The following TTC7B variants were observed in gnomAD, a reference collection of about 807,000 sequenced individuals.
TTC7B encodes the protein tetratricopeptide repeat domain 7B, also known as tetratricopeptide repeat protein 7B.
TTC7B carries 28 observed loss-of-function variants against 106.8 expected under a neutral mutation model. That is an observed-to-expected ratio of 0.26 (90% CI 0.19 to 0.36). The LOEUF (loss-of-function observed/expected upper bound fraction) is 0.36, where lower values mean the gene tolerates loss of function less well. TTC7B is among the 10% of genes least tolerant of loss of function. TTC7B has a pLI of 1.00. For missense variants in TTC7B, 862 were observed against 1,076.4 expected (o/e 0.80, Z 2.79); for synonymous variants, 405 against 430.6 (o/e 0.94, Z 0.74).
chr14:90,766,870 C>T, intron 3 of TTC7B: 1 of 1,596,586 alleles, frequency 6.3e-7, no homozygotes, highest in Non-Finnish European at 8.6e-7. Flanking sequence ...CCTGGAGCGA[C>T]TGAAGAAGAT....
intron 7 of TTC7B, among the ~76,000 whole-genome samples, chr14:90,683,495 GTATCAAAAAAGGAA>G (rs1050050976): frequency 6.6e-6 from 1 of 151,986 alleles, no homozygotes; most frequent in Admixed American, 6.6e-5. Flanking sequence ...GGATAAATGG[GTATCAAAAAAGGAA>G]TAGGACTTAA....
At chr14:90,557,184 G>T (rs1407299858) in intron 19 of TTC7B, among the ~76,000 whole-genome samples, 1 of 152,154 alleles carries the variant, frequency 6.6e-6, no homozygotes, top group Non-Finnish European at 1.5e-5. Context: ...ATCCCTTTGC[G>T]AGGGCCTCAC....
At chr14:90,694,975 G>T in intron 6 of TTC7B, among the ~76,000 whole-genome samples, 2 of 133,126 alleles carry the variant, frequency 1.5e-5, no homozygotes, top group African/African-American at 2.8e-5. Flanking sequence ...TATAATATAT[G>T]TCACATATAT....
intron 4 of TTC7B, among the ~76,000 whole-genome samples, chr14:90,740,953 T>C (rs1889737061): frequency 6.6e-6 from 1 of 152,198 alleles, no homozygotes; most frequent in Non-Finnish European, 1.5e-5. Context: ...ATGCTGACAA[T>C]GTGCTGGGAG....
chr14:90,707,921 C>T (rs938576830), intron 5 of TTC7B, among the ~76,000 whole-genome samples: 5 of 151,818 alleles, frequency 3.3e-5, no homozygotes, highest in African/African-American at 7.3e-5. Flanking sequence ...CCGAGGCGGG[C>T]GGATCACGAG....
At chr14:90,729,773 G>T (rs1360257661) in intron 5 of TTC7B, among the ~76,000 whole-genome samples, 1 of 152,156 alleles carries the variant, frequency 6.6e-6, no homozygotes, top group East Asian at 1.9e-4. Flanking sequence ...GCCATTCATG[G>T]AGGGAGGGCA....
In TTC7B at chr14:90,775,228, T is replaced by C. The variant is rs1890988645; in HGVS notation, c.445+5510A>G. Among the ~76,000 whole-genome samples, 6 of 152,048 alleles carry C rather than the reference T, an allele frequency of 3.9e-5. No individual in the cohort carries two copies. The South Asian group carries it at 1.2e-3, about 32-fold the overall frequency. ...TGGGGCATCTGAAGAGGCCAATCAT[T>C]TGTGGTCAAACCCAAGGGATACATA... On this transcript the variant is annotated intron_variant, in intron 3 of 19. Transcript: ENST00000328459.
At chr14:90,677,276 CAAG>C (rs2139924884) in intron 8 of TTC7B, among the ~76,000 whole-genome samples, 1 of 152,190 alleles carries the variant, frequency 6.6e-6, no homozygotes, top group Admixed American at 6.5e-5. Context: ...TAAGAGAAAA[CAAG>C]AAGAAAGCAG....
intron 2 of TTC7B, among the ~76,000 whole-genome samples, chr14:90,781,359 A>C (rs769153486): frequency 1.3e-5 from 2 of 152,182 alleles, no homozygotes; most frequent in Non-Finnish European, 2.9e-5. Context: ...TCTAGAATTC[A>C]TTGTGGTGAT....
intron 5 of TTC7B, among the ~76,000 whole-genome samples, chr14:90,716,042 T>C (rs1208572940): frequency 6.6e-6 from 1 of 152,220 alleles, no homozygotes; most frequent in Non-Finnish European, 1.5e-5. Context: ...GTAAGGACTT[T>C]GTTCAGGTCC....
At chr14:90,596,699 TG>T (rs1320067429) in intron 17 of TTC7B, among the ~76,000 whole-genome samples, 46 of 152,346 alleles carry the variant, frequency 3.0e-4, no homozygotes, top group African/African-American at 1.1e-3. Context: ...ACAGACCACA[TG>T]TTTTAAAGTT....
intron 9 of TTC7B, among the ~76,000 whole-genome samples, chr14:90,659,833 C>T (rs1886112563): frequency 1.3e-5 from 2 of 152,118 alleles, no homozygotes; most frequent in African/African-American, 4.8e-5. Context: ...GCAACTCAAG[C>T]CTCTCGCTAA....
rs1450764020 is a variant in TTC7B at position 90,808,559 on chromosome 14, T to C, written c.121+7616A>G. On this transcript the variant is annotated intron_variant, in intron 1 of 19. Coordinates refer to ENST00000328459, the MANE Select transcript of TTC7B (RefSeq NM_001010854.2). This position sits in a 1 kb window ranked among gnomAD's most constrained non-coding sequence, Gnocchi z 4.2. ...GATGAGCAGGGACAGACAAATCCCA[T>C]GGGTGGAAGGGCTGCAGCCACTCCA... 2.0e-5 allele frequency among the ~76,000 whole-genome samples: 3 copies of C among 152,172 alleles called. No individual in the cohort carries two copies. Among genetic ancestry groups the C allele is most frequent in the Non-Finnish European group, 4.4e-5 (3 of 68,032 alleles).
intron 5 of TTC7B, among the ~76,000 whole-genome samples, chr14:90,719,593 A>T (rs1386634076): frequency 6.6e-6 from 1 of 152,172 alleles, no homozygotes; most frequent in African/African-American, 2.4e-5. Flanking sequence ...ATTCCCTAGC[A>T]CCTGAGCTGT....
intron 3 of TTC7B, among the ~76,000 whole-genome samples, chr14:90,753,485 T>C (rs1890195884): frequency 6.6e-6 from 1 of 152,204 alleles, no homozygotes; most frequent in Non-Finnish European, 1.5e-5. Flanking sequence ...GCTGGTCTTG[T>C]GTTCTTGCCT....
In TTC7B at chr14:90,786,298, G is replaced by T; in HGVS notation, c.152C>A (p.Ser51Ter). The change falls in exon 2 of 20, where the codon TCG (serine) becomes TAG (stop). Residue 51 changes from serine to a stop codon, truncating the protein, a stop_gained. Coordinates refer to ENST00000328459, the MANE Select transcript of TTC7B (RefSeq NM_001010854.2). LOFTEE classifies it high-confidence loss of function. Reference sequence around the variant, plus strand: ...TTCCTTCAGGTACTGCTCCAGCTTCGACTCCCCGAGGAGAAGCTCTGCCAT... The same window carrying T: ...TTCCTTCAGGTACTGCTCCAGCTTCTACTCCCCGAGGAGAAGCTCTGCCAT... ...DDMAELLLGE[S>*]KLEQYLKEHP... 6.2e-7 allele frequency: 1 copy of T among 1,613,218 alleles called. No homozygotes were observed. The highest frequency in any genetic ancestry group is 1.1e-5 in the South Asian group (1 of 91,034).
At chr14:90,798,249 CG>C (rs1383773536) in intron 1 of TTC7B, among the ~76,000 whole-genome samples, 1 of 152,118 alleles carries the variant, frequency 6.6e-6, no homozygotes, top group Non-Finnish European at 1.5e-5. Flanking sequence ...GCAAAGTCAC[CG>C]GGCTGACCCA....
intron 3 of TTC7B, chr14:90,766,644 A>T (rs1157698320): frequency 8.6e-7 from 1 of 1,166,816 alleles, no homozygotes; most frequent in African/African-American, 1.5e-5. Context: ...GTGTGGGCCA[A>T]AGATATGTTC....
chr14:90,785,249 C>T (rs1289044032), intron 2 of TTC7B, among the ~76,000 whole-genome samples: 1 of 152,006 alleles, frequency 6.6e-6, no homozygotes, highest in Non-Finnish European at 1.5e-5. Flanking sequence ...CGGGGGGAAG[C>T]GTGCACACAC....
Sources: allele counts gnomAD v4.1 joint callset (sites outside exome capture counted in the v4.1 genomes callset), GRCh38; gene constraint gnomAD v4.1.1; non-coding constraint Gnocchi (gnomAD v3.1); transcripts MANE v1.5; gene names NCBI Gene and HGNC (gene_info 2026-07-23, HGNC 2026-07-21).